The following AASS variants were observed in gnomAD, a reference collection of about 807,000 sequenced individuals.
AASS encodes the protein alpha-aminoadipic semialdehyde synthase, mitochondrial.
In AASS, 86 loss-of-function variants were observed where a neutral mutation model predicts 105.4. That is an observed-to-expected ratio of 0.82 (90% confidence interval 0.69 to 0.98). The LOEUF (loss-of-function observed/expected upper bound fraction) is 0.98. AASS is among the 50% of genes least tolerant of loss of function. The probability of loss-of-function intolerance (pLI) is 0.00; values close to 1 mark genes in which losing one functional copy is unlikely to be tolerated. For missense variants in AASS, 1,048 were observed against 1,143.2 expected, an observed-to-expected ratio of 0.92 and a Z score of 1.20; for synonymous variants, 381 against 394.8, an observed-to-expected ratio of 0.96 and a Z score of 0.41.
intron 11 of AASS, among the ~76,000 whole-genome samples, chr7:122,108,694 T>C (rs914495255): frequency 2.0e-5 from 3 of 152,098 alleles, no homozygotes; most frequent in Admixed American, 6.6e-5. Flanking sequence ...AAGCCATATT[T>C]GACAGACCCA....
chr7:122,083,847 T>C (rs183115669), intron 19 of AASS, among the ~76,000 whole-genome samples: 1 of 152,128 alleles, frequency 6.6e-6, no homozygotes, highest in East Asian at 1.9e-4. Flanking sequence ...AATGATGGTA[T>C]CTCATCTCCA....
chr7:122,136,123 A>G (rs1796129326), intron 1 of AASS, among the ~76,000 whole-genome samples: 1 of 152,208 alleles, frequency 6.6e-6, no homozygotes, highest in Non-Finnish European at 1.5e-5. Context: ...CATCACCGCT[A>G]ACAACATATA....
intron 3 of AASS, among the ~76,000 whole-genome samples, chr7:122,128,203 A>T (rs1479748121): frequency 2.0e-5 from 3 of 152,212 alleles, no homozygotes; most frequent in Non-Finnish European, 4.4e-5. Flanking sequence ...GCAGGCCACC[A>T]TCACTTGTGA....
intron 19 of AASS, chr7:122,083,018 T>A: frequency 2.2e-6 from 1 of 460,620 alleles, no homozygotes; most frequent in South Asian, 1.6e-5. Context: ...AAGAAATTTA[T>A]CTTATCTGCA....
intron 20 of AASS, among the ~76,000 whole-genome samples, chr7:122,080,131 G>T (rs966858750): frequency 4.8e-4 from 73 of 152,170 alleles, no homozygotes; most frequent in African/African-American, 1.7e-3. Flanking sequence ...TCTTTTGTAG[G>T]TTCAAGAGAT....
At chr7:122,141,658 CAAAAAAAAAAA>C (rs67469054) in intron 1 of AASS, among the ~76,000 whole-genome samples, 5 of 94,628 alleles carry the variant, frequency 5.3e-5, no homozygotes, top group Non-Finnish European at 8.7e-5. Context: ...CCTAACCCTG[CAAAAAAAAAAA>C]AAAAAAAAAA....
intron 11 of AASS, among the ~76,000 whole-genome samples, chr7:122,103,893 C>T (rs911876957): frequency 6.6e-6 from 1 of 151,770 alleles, no homozygotes; most frequent in Non-Finnish European, 1.5e-5. Flanking sequence ...ATAAAATAGT[C>T]TATTATAACT....
intron 4 of AASS, among the ~76,000 whole-genome samples, chr7:122,122,320 A>C (rs1795476440): frequency 6.6e-6 from 1 of 152,192 alleles, no homozygotes; most frequent in Non-Finnish European, 1.5e-5. Flanking sequence ...AGACTGAGAA[A>C]AAAAAACAGA....
intron 11 of AASS, among the ~76,000 whole-genome samples, chr7:122,105,784 A>G (rs1007474087): frequency 3.3e-5 from 5 of 152,118 alleles, no homozygotes; most frequent in African/African-American, 1.2e-4. Flanking sequence ...AAAAGAACAA[A>G]GATCTCAGAT....
chr7:122,119,019 C>T (rs1325769033), intron 4 of AASS, among the ~76,000 whole-genome samples: 1 of 152,126 alleles, frequency 6.6e-6, no homozygotes, highest in African/African-American at 2.4e-5. Flanking sequence ...CCATGCCTCC[C>T]ATAACAAAAA....
chr7:122,104,918 G>A (rs945220725), intron 11 of AASS, among the ~76,000 whole-genome samples: 6 of 151,232 alleles, frequency 4.0e-5, no homozygotes, highest in South Asian at 4.2e-4. Context: ...ATGTACCCCC[G>A]AACCTAAAAT....
chr7:122,117,040 C>T (rs753178045), intron 6 of AASS, 83 bp from the exon 7 acceptor site: 1 of 1,252,824 alleles, frequency 8.0e-7, no homozygotes, highest in Admixed American at 1.7e-5. Context: ...GATCATTTTC[C>T]CAACAATTAC....
intron 13 of AASS, among the ~76,000 whole-genome samples, chr7:122,101,134 TAC>T (rs1794408485): frequency 6.6e-6 from 1 of 150,798 alleles, no homozygotes. Context: ...TGCTTACCCA[TAC>T]GTCTACACAG....
chr7:122,113,311 A>G, intron 10 of AASS, 82 bp from the exon 11 acceptor site: 1 of 1,215,866 alleles, frequency 8.2e-7, no homozygotes, highest in Non-Finnish European at 1.2e-6. Context: ...ACTCCACTAT[A>G]TTTGCTTCAT....
Position 122,101,832 on chromosome 7 carries a change from A to G in AASS, c.1279-152T>C. ...CCGAGTATAAGTGATTGCTAATAGA[A>G]GTCTTCTACAAGCAATCAACTCTGC... On this transcript the variant is annotated intron_variant, in intron 11 of 23. Transcript: ENST00000417368. 12 of 671,682 alleles carry G rather than the reference A, an allele frequency of 1.8e-5. No homozygotes were observed. The South Asian group carries it at 2.1e-4, about 12-fold the overall frequency. The allele number at this position is 671,682 out of a possible 1,614,324, so 41.6% of individuals were successfully genotyped here. A position where few individuals can be genotyped will look rare whatever the true frequency, so the allele number is the denominator to read the frequency against.
chr7:122,111,602 T>C (rs1026237782), intron 11 of AASS, among the ~76,000 whole-genome samples: 5 of 152,318 alleles, frequency 3.3e-5, no homozygotes, highest in African/African-American at 9.6e-5. Flanking sequence ...GTAGAGAAAC[T>C]GTTAAGATTA....
chr7:122,101,421 G>A lies in AASS; in HGVS notation c.1356C>T (p.Asn452=), dbSNP rs755584364. ...ATTTATATTTATCAGGTAATGTACC[G>A]TTGGATGTAATCACTGCCTAAATGT... ...PVVRDAVITS[N]GTLPDKYKYI... The change falls in exon 13 of 24, where the codon AAC becomes AAT. Residue 452 remains asparagine, a synonymous_variant. Coordinates refer to ENST00000417368, the MANE Select transcript of AASS (RefSeq NM_005763.4). 75 of 1,609,922 alleles carry A rather than the reference G, an allele frequency of 4.7e-5. No homozygotes were observed. The highest frequency in any genetic ancestry group is 5.8e-5 in the Non-Finnish European group (68 of 1,177,006).
Position 122,081,517 on chromosome 7 carries a change from C to T in AASS, c.2263G>A (p.Ala755Thr). ...REALPAFRPE[A>T]NPLTWKQLLC... ...TCACTCACCCAGGTGAGAGGGTTGG[C>T]CTCAGGTCTAAAGGCAGGAAGCGCT... Residue 755 changes from alanine to threonine, a missense_variant, in exon 20 of 24, where the codon GCC becomes ACC. By Grantham distance (58) the Ala-to-Thr change is moderately conservative. Coordinates refer to ENST00000417368, the MANE Select transcript of AASS (RefSeq NM_005763.4). 1.2e-6 allele frequency: 2 copies of T among 1,613,812 alleles called. No individual in the cohort carries two copies. The highest frequency in any genetic ancestry group is 2.7e-5 in the African/African-American group (2 of 75,036).
At chr7:122,127,509 T>A (rs1445477843) in intron 3 of AASS, among the ~76,000 whole-genome samples, 1 of 152,126 alleles carries the variant, frequency 6.6e-6, no homozygotes, top group Non-Finnish European at 1.5e-5. Flanking sequence ...ACAAAAAAAG[T>A]TCCTAAAGTA....
Sources: allele counts gnomAD v4.1 joint callset (sites outside exome capture counted in the v4.1 genomes callset), GRCh38; gene constraint gnomAD v4.1.1; transcripts MANE v1.5; gene names NCBI Gene and HGNC (gene_info 2026-07-23, HGNC 2026-07-21).